Variants in MAPK4 observed in about 807,000 individuals in gnomAD.
MAPK4 encodes Erk3-related.
A neutral mutation model predicts 47.7 loss-of-function variants in MAPK4; 22 were observed. That is an observed-to-expected ratio of 0.46 (90% CI 0.33 to 0.66). The LOEUF is 0.66. Among genes scored for constraint, MAPK4 ranks in the 30% least tolerant of loss-of-function variants. The pLI, the probability that MAPK4 is intolerant of heterozygous loss-of-function variation, is 0.02. For missense variants in MAPK4, 736 were observed against 831.7 expected (o/e 0.88, Z 1.42); for synonymous variants, 390 against 365.7 (o/e 1.07, Z -0.76).
intron 2 of MAPK4, among the ~76,000 whole-genome samples, chr18:50,692,209 T>C (rs1350702191): frequency 6.6e-6 from 1 of 152,246 alleles, no homozygotes; most frequent in Non-Finnish European, 1.5e-5. Flanking sequence ...GAAGCCACAC[T>C]GCCTCACTGT....
intron 1 of MAPK4, among the ~76,000 whole-genome samples, chr18:50,586,953 A>C (rs181807107): frequency 2.3e-3 from 352 of 152,290 alleles, no homozygotes; most frequent in Non-Finnish European, 3.5e-3. Context: ...TAGAGGGATG[A>C]ATTTTTTTAA....
At chr18:50,727,349 G>A (rs980428611) in intron 5 of MAPK4, among the ~76,000 whole-genome samples, 1 of 152,198 alleles carries the variant, frequency 6.6e-6, no homozygotes, top group Non-Finnish European at 1.5e-5. Flanking sequence ...AGTGACAGAT[G>A]AGCAATTTCT....
rs533066597 is a variant in MAPK4 at position 50,704,754 on chromosome 18, G to A, written c.547-10325G>A. The A allele has an allele frequency of 3.4e-4, 134 of 398,594 alleles. 1 individual carries two copies. The highest frequency in any genetic ancestry group is 1.3e-3 in the Middle Eastern group (2 of 1,588). The allele number at this position is 398,594 out of a possible 1,614,324, so 24.7% of individuals were successfully genotyped here. On this transcript the variant is annotated intron_variant, in intron 2 of 5. Transcript: ENST00000400384. ...CTGTGATGTTGGACTATGTTGTGTC[G>A]TTACCCTCCCTGCCTCTGCATCCTC...
intron 1 of MAPK4, among the ~76,000 whole-genome samples, chr18:50,647,490 C>A (rs888179092): frequency 1.3e-5 from 2 of 152,196 alleles, no homozygotes; most frequent in African/African-American, 4.8e-5. Context: ...GAGGGGCATG[C>A]AGTTGCTGTC....
intron 1 of MAPK4, among the ~76,000 whole-genome samples, chr18:50,574,448 T>A (rs1464108772): frequency 6.6e-6 from 1 of 152,324 alleles, no homozygotes; most frequent in East Asian, 1.9e-4. Context: ...TTCTCTTGTT[T>A]TACAAATGAG....
chr18:50,569,159 G>GA (rs1165938917), intron 1 of MAPK4, among the ~76,000 whole-genome samples: 2 of 152,164 alleles, frequency 1.3e-5, no homozygotes, highest in East Asian at 1.9e-4. Context: ...ATATTGTTTT[G>GA]AAAAAATATA....
rs1911454967 is a variant in MAPK4, at chr18:50,729,827, C to T, written c.1737C>T (p.Thr579=). 6.2e-7 allele frequency: 1 copy of T among 1,611,692 alleles called. No individual in the cohort carries two copies. The highest frequency in any genetic ancestry group is 8.5e-7 in the Non-Finnish European group (1 of 1,179,322). Residue 579 remains threonine (T), a synonymous_variant, in exon 6 of 6, where the codon ACC becomes ACT. Coordinates refer to ENST00000400384, the MANE Select transcript of MAPK4 (RefSeq NM_002747.4). ...IPEHPGDLVQ[T]EAFSKERW is the part of the protein sequence containing the mutation. ...AGCACCCTGGCGACCTCGTGCAGACCGAGGCCTTCTCCAAAGAAAGGTGGT... is the reference window on the plus strand; with the variant it reads ...AGCACCCTGGCGACCTCGTGCAGACTGAGGCCTTCTCCAAAGAAAGGTGGT...
intron 2 of MAPK4, among the ~76,000 whole-genome samples, chr18:50,689,408 A>G (rs934029847): frequency 4.2e-5 from 6 of 144,374 alleles, no homozygotes; most frequent in Admixed American, 2.7e-4. Context: ...CCATCTTAAA[A>G]AAAAAAAAAA....
chr18:50,567,972 T>G (rs12968757), intron 1 of MAPK4, among the ~76,000 whole-genome samples: 77,450 of 151,802 alleles, frequency 0.51, 20,288 homozygotes, highest in Non-Finnish European at 0.58. Flanking sequence ...CGAGGCAGGC[T>G]GATCATGAGG....
At chr18:50,610,384 G>T (rs1318469671) in intron 1 of MAPK4, among the ~76,000 whole-genome samples, 1 of 152,218 alleles carries the variant, frequency 6.6e-6, no homozygotes, top group African/African-American at 2.4e-5. Context: ...ACTGGGCACT[G>T]CCCAGAGGCT....
chr18:50,570,731 G>T (rs1356937227), intron 1 of MAPK4, among the ~76,000 whole-genome samples: 1 of 152,158 alleles, frequency 6.6e-6, no homozygotes, highest in Non-Finnish European at 1.5e-5. Flanking sequence ...GCTCAACCAC[G>T]TGTTCTTGGA....
At chr18:50,676,693 T>C (rs1397384477) in intron 2 of MAPK4, among the ~76,000 whole-genome samples, 8 of 152,180 alleles carry the variant, frequency 5.3e-5, no homozygotes, top group African/African-American at 1.9e-4. Flanking sequence ...CAAAATTATA[T>C]TGGAGGCTAG....
chr18:50,567,638 A>T (rs1033124062), intron 1 of MAPK4, among the ~76,000 whole-genome samples: 50 of 152,116 alleles, frequency 3.3e-4, no homozygotes, highest in Non-Finnish European at 2.2e-4. Flanking sequence ...GTAATTACTT[A>T]TGTGACAAAG....
chr18:50,574,640 T>G (rs2042279132), intron 1 of MAPK4, among the ~76,000 whole-genome samples: 1 of 152,174 alleles, frequency 6.6e-6, no homozygotes. Flanking sequence ...CATGCTAAAT[T>G]AAAACTACAA....
intron 1 of MAPK4, among the ~76,000 whole-genome samples, chr18:50,589,126 G>A (rs2149366452): frequency 6.6e-6 from 1 of 152,260 alleles, no homozygotes; most frequent in South Asian, 2.1e-4. Context: ...TCTGGTACGT[G>A]GGTCCCTGGC....
intron 1 of MAPK4, among the ~76,000 whole-genome samples, chr18:50,568,037 A>ATACAAAAAAT (rs1402525411): frequency 6.6e-6 from 1 of 151,980 alleles, no homozygotes; most frequent in Non-Finnish European, 1.5e-5. Context: ...TCTACTAAAA[A>ATACAAAAAAT]TACAAAAAAT....
chr18:50,637,807 G>A (rs1428984862), intron 1 of MAPK4, among the ~76,000 whole-genome samples: 6 of 152,204 alleles, frequency 3.9e-5, no homozygotes, highest in Non-Finnish European at 7.3e-5. Context: ...GTCCTCACGT[G>A]ATTGCCCCTC....
Position 50,729,410 on chromosome 18 carries a change from G to A in MAPK4, c.1320G>A (p.Lys440=), listed in dbSNP as rs777010622. ...YKVGSPSYLD[K]LLWRDNKPHH... ...TGGGGTCGCCGTCCTACCTGGACAAGCTGCTGTGGCGCGACAACAAGCCGC... is the reference window on the plus strand; with the variant it reads ...TGGGGTCGCCGTCCTACCTGGACAAACTGCTGTGGCGCGACAACAAGCCGC... Residue 440 remains lysine, a synonymous_variant, in exon 6 of 6, where the codon AAG becomes AAA. Transcript: ENST00000400384. 6.4e-7 allele frequency: 1 copy of A among 1,556,742 alleles called. No homozygotes were observed. The highest frequency in any genetic ancestry group is 8.7e-7 in the Non-Finnish European group (1 of 1,152,894).
intron 1 of MAPK4, among the ~76,000 whole-genome samples, chr18:50,635,659 C>T (rs2042879153): frequency 6.6e-6 from 1 of 152,202 alleles, no homozygotes. Context: ...CTGCAAGACT[C>T]CGTGGTCTGG....
Sources: gnomAD v4.1 joint callset for allele counts (sites outside exome capture counted in the v4.1 genomes callset) on GRCh38, gnomAD v4.1.1 for gene constraint, MANE v1.5 for transcripts, NCBI Gene and HGNC (gene_info 2026-07-23, HGNC 2026-07-21) for gene names.